The following CAMKMT variants were observed in gnomAD, a reference collection of about 807,000 sequenced individuals.
CAMKMT encodes the protein calmodulin-lysine N-methyltransferase.
Under a neutral mutation model 48.0 loss-of-function variants are expected in CAMKMT, and 53 were observed. The observed-to-expected ratio is 1.10, with a 90% CI of 0.89 to 1.39. The LOEUF is 1.39. CAMKMT is among the 40% of genes most tolerant of loss of function. The probability of loss-of-function intolerance (pLI) is 0.00; values close to 1 mark genes in which losing one functional copy is unlikely to be tolerated. For synonymous variants in CAMKMT, 165 were observed against 152.3 expected (o/e 1.08, Z -0.61); for missense variants, 428 against 402.7 (o/e 1.06, Z -0.54).
intron 3 of CAMKMT, among the ~76,000 whole-genome samples, chr2:44,567,724 T>C (rs951468910): frequency 3.3e-5 from 5 of 152,178 alleles, no homozygotes; most frequent in African/African-American, 1.2e-4. Flanking sequence ...AGTTATGTCT[T>C]GTCCTGTCAC....
At position 44,490,368 on chromosome 2, in the gene CAMKMT, C is replaced by T. The variant is rs181004711; in HGVS notation, c.376+100063C>T. Reference sequence around the variant, plus strand: ...TTGGCTCACCACAACCTCCGCCTCCCGGGTTCAAGTGATTCTCCTGCCTCA... The same window carrying T: ...TTGGCTCACCACAACCTCCGCCTCCTGGGTTCAAGTGATTCTCCTGCCTCA... On this transcript the variant is annotated intron_variant, in intron 3 of 10. Transcript: ENST00000378494. Among the ~76,000 whole-genome samples the T allele has an allele frequency of 6.6e-3, 999 of 152,192 alleles. 10 individuals carry two copies. The highest frequency in any genetic ancestry group is 0.017 in the Middle Eastern group (5 of 294).
intron 3 of CAMKMT, among the ~76,000 whole-genome samples, chr2:44,579,588 CGCATTACT>C (rs1558717898): frequency 6.6e-6 from 1 of 152,182 alleles, no homozygotes; most frequent in African/African-American, 2.4e-5. Context: ...AAATCTCACT[CGCATTACT>C]GCCCACAAAA....
At chr2:44,436,098 C>A (rs148096860) in intron 3 of CAMKMT, among the ~76,000 whole-genome samples, 175 of 152,076 alleles carry the variant, frequency 1.2e-3, no homozygotes, top group African/African-American at 4.1e-3. Flanking sequence ...TTTTTTGAGA[C>A]AGAGTCTCCC....
At chr2:44,619,861 T>G (rs902336953) in intron 3 of CAMKMT, among the ~76,000 whole-genome samples, 16 of 152,328 alleles carry the variant, frequency 1.1e-4, no homozygotes, top group African/African-American at 3.8e-4. Context: ...ATTTCAACAT[T>G]AGACTCATGT....
intron 7 of CAMKMT, among the ~76,000 whole-genome samples, chr2:44,727,956 T>C (rs1189957853): frequency 6.6e-6 from 1 of 152,226 alleles, no homozygotes; most frequent in Non-Finnish European, 1.5e-5. Context: ...AGGGTTTTAC[T>C]CTGTCACCCA....
At chr2:44,423,965 A>ATATG (rs1437068580) in intron 3 of CAMKMT, among the ~76,000 whole-genome samples, 12 of 152,054 alleles carry the variant, frequency 7.9e-5, no homozygotes, top group Non-Finnish European at 1.5e-4. Context: ...CATTCCTGAG[A>ATATG]TATGTATGTA....
intron 7 of CAMKMT, among the ~76,000 whole-genome samples, chr2:44,719,798 A>T (rs1678363860): frequency 6.6e-6 from 1 of 152,174 alleles, no homozygotes; most frequent in Non-Finnish European, 1.5e-5. Flanking sequence ...CAGTGTGAGT[A>T]GGCATTTATC....
chr2:44,395,304 T>C (rs2104428370), intron 3 of CAMKMT, among the ~76,000 whole-genome samples: 1 of 152,290 alleles, frequency 6.6e-6, no homozygotes, highest in African/African-American at 2.4e-5. Context: ...TGCATATATG[T>C]AGCATGTGTG....
intron 3 of CAMKMT, among the ~76,000 whole-genome samples, chr2:44,659,106 T>C (rs1674537144): frequency 7.5e-6 from 1 of 133,352 alleles, no homozygotes; most frequent in African/African-American, 3.0e-5. Context: ...TTTGGTAAAA[T>C]GATTATCTTA....
At chr2:44,707,983 ATTT>A (rs1447563627) in intron 6 of CAMKMT, among the ~76,000 whole-genome samples, 1 of 152,054 alleles carries the variant, frequency 6.6e-6, no homozygotes, top group Non-Finnish European at 1.5e-5. Flanking sequence ...TTAGGATTTT[ATTT>A]AGGATTATAC....
intron 3 of CAMKMT, among the ~76,000 whole-genome samples, chr2:44,658,529 G>T (rs1314260968): frequency 6.6e-6 from 1 of 152,160 alleles, no homozygotes; most frequent in Admixed American, 6.5e-5. Flanking sequence ...GACCTTGACA[G>T]AATTAGCAAA....
At chr2:44,547,826 C>A (rs549299155) in intron 3 of CAMKMT, among the ~76,000 whole-genome samples, 1 of 152,232 alleles carries the variant, frequency 6.6e-6, no homozygotes, top group East Asian at 1.9e-4. Flanking sequence ...TCTCTAACGG[C>A]CTAAATTTGG....
At chr2:44,497,829 G>C (rs1354798716) in intron 3 of CAMKMT, among the ~76,000 whole-genome samples, 2 of 151,954 alleles carry the variant, frequency 1.3e-5, no homozygotes, top group East Asian at 1.9e-4. Context: ...TCCTGACATA[G>C]CAAGCAATTC....
intron 3 of CAMKMT, among the ~76,000 whole-genome samples, chr2:44,675,212 G>A (rs996993934): frequency 1.3e-5 from 2 of 151,954 alleles, no homozygotes; most frequent in Non-Finnish European, 2.9e-5. Context: ...TGTGTTCCTT[G>A]CCTCCTCAAC....
chr2:44,514,712 G>C (rs976496465), intron 3 of CAMKMT, among the ~76,000 whole-genome samples: 1 of 152,210 alleles, frequency 6.6e-6, no homozygotes, highest in Non-Finnish European at 1.5e-5. Flanking sequence ...ATGGCAGATA[G>C]AGTAAGTAAG....
chr2:44,698,711 A>G (rs1372645743), intron 3 of CAMKMT, among the ~76,000 whole-genome samples: 1 of 152,166 alleles, frequency 6.6e-6, no homozygotes, highest in African/African-American at 2.4e-5. Flanking sequence ...GGCTGTGGCA[A>G]TTTCTTAAAA....
At chr2:44,467,373 A>C (rs920336188) in intron 3 of CAMKMT, among the ~76,000 whole-genome samples, 3 of 151,958 alleles carry the variant, frequency 2.0e-5, no homozygotes, top group African/African-American at 7.3e-5. Context: ...CTCTACTAAA[A>C]ATACAAAAAT....
intron 7 of CAMKMT, among the ~76,000 whole-genome samples, chr2:44,717,305 G>A (rs1166658462): frequency 2.0e-5 from 3 of 151,984 alleles, no homozygotes; most frequent in African/African-American, 2.4e-5. Context: ...ACCCCTGTAA[G>A]CATTTTGTTC....
chr2:44,542,395 A>G, intron 3 of CAMKMT, among the ~76,000 whole-genome samples: 1 of 152,016 alleles, frequency 6.6e-6, no homozygotes, highest in East Asian at 1.9e-4. Context: ...AAACACTGCT[A>G]GGCATTTGGG....
Sources: allele counts gnomAD v4.1 joint callset (sites outside exome capture counted in the v4.1 genomes callset), GRCh38; gene constraint gnomAD v4.1.1; transcripts MANE v1.5; gene names NCBI Gene and HGNC (gene_info 2026-07-23, HGNC 2026-07-21).